CFLAR: variants seen among roughly 807,000 people sequenced by gnomAD.
CFLAR encodes CASP8 and FADD-like apoptosis regulator.
In CFLAR, 14 loss-of-function variants were observed where a neutral mutation model predicts 51.1. The ratio of observed to expected loss-of-function variants is 0.27; its 90% confidence interval spans 0.18 to 0.43. The LOEUF (loss-of-function observed/expected upper bound fraction) is 0.43. CFLAR is among the 20% of genes least tolerant of loss of function. CFLAR has a pLI of 1.00. For synonymous variants in CFLAR, 210 were observed against 211.6 expected (o/e 0.99, Z 0.06); for missense variants, 390 against 566.5 (o/e 0.69, Z 3.16).
intron 7 of CFLAR, chr2:201,149,268 A>G (rs1162883614): frequency 6.5e-6 from 3 of 461,948 alleles, no homozygotes; most frequent in Non-Finnish European, 1.2e-5. Flanking sequence ...GGGAAGTTCC[A>G]AAGTAGCACT....
chr2:201,135,678 G>A (rs1270324461), intron 3 of CFLAR, among the ~76,000 whole-genome samples: 1 of 146,730 alleles, frequency 6.8e-6, no homozygotes, highest in African/African-American at 2.6e-5. Flanking sequence ...TGCCCAGGCT[G>A]GAGTGCCGTG....
At chr2:201,152,944 C>T (rs1426747720) in intron 8 of CFLAR, 1 of 152,220 alleles carries the variant, frequency 6.6e-6, no homozygotes, top group African/African-American at 2.4e-5. Context: ...TGTTTCCTGC[C>T]CCATGGTTGC....
chr2:201,140,492 T>A, intron 5 of CFLAR, 53 bp downstream of exon 5: 2 of 1,346,288 alleles, frequency 1.5e-6, no homozygotes, highest in Non-Finnish European at 2.1e-6. Context: ...TTCAGAGTTC[T>A]AATAAAAATA....
chr2:201,173,908 G>A lies in CFLAR; in HGVS notation c.*9935G>A, dbSNP rs1322765176. ...GCTGGTCTTGAACTCCTGAACTCAG[G>A]TGATCTGCCTGCCTCGGCCTCCCAA... On this transcript the variant is annotated 3_prime_UTR_variant, in exon 10 of 10. Transcript: ENST00000309955. 6.6e-6 allele frequency: 1 copy of A among 152,216 alleles called. No individual in the cohort carries two copies. The highest frequency in any genetic ancestry group is 1.5e-5 in the Non-Finnish European group (1 of 68,060). The allele number at this position is 152,216 out of a possible 1,614,324, so 9.4% of individuals were successfully genotyped here. A position where few individuals can be genotyped will look rare whatever the true frequency, so the allele number is the denominator to read the frequency against.
At chr2:201,127,142 G>T (rs553059487) in intron 1 of CFLAR, among the ~76,000 whole-genome samples, 18 of 152,162 alleles carry the variant, frequency 1.2e-4, no homozygotes, top group Non-Finnish European at 2.2e-4. Context: ...AAAACACTTG[G>T]GGGGAGAAAT....
In CFLAR at chr2:201,164,924, T is replaced by C. The variant is rs1485161282; in HGVS notation, c.*951T>C. On this transcript the variant is annotated 3_prime_UTR_variant, in exon 10 of 10. Coordinates refer to ENST00000309955, the MANE Select transcript of CFLAR (RefSeq NM_003879.7). ...ATGTCAGTCTTTTGATGTTCTCACATGGCAGAAAAAGAGGATGCAAACTCT... is the reference window on the plus strand; with the variant it reads ...ATGTCAGTCTTTTGATGTTCTCACACGGCAGAAAAAGAGGATGCAAACTCT... The C allele has an allele frequency of 6.6e-6, 1 of 152,160 alleles. No individual in the cohort carries two copies. The highest frequency in any genetic ancestry group is 1.5e-5 in the Non-Finnish European group (1 of 68,044). 9.4% of individuals were successfully genotyped at this position (152,160 alleles called of 1,614,324 possible). A position where few individuals can be genotyped will look rare whatever the true frequency, so the allele number is the denominator to read the frequency against.
rs529586975 is a variant in CFLAR, at chr2:201,118,255, A to G, written c.-138+1774A>G. On this transcript the variant is annotated intron_variant, in intron 1 of 9. Coordinates refer to ENST00000309955, the MANE Select transcript of CFLAR (RefSeq NM_003879.7). The surrounding 1 kb of genome is among the most constrained non-coding windows in gnomAD (Gnocchi z 5.1). ...AACTGACATTTGACCTTCTTTTAAC[A>G]CGGTATTACTTGCTTCCTTATACCG... 6.6e-6 allele frequency among the ~76,000 whole-genome samples: 1 copy of G among 152,282 alleles called. No individual in the cohort carries two copies. Among genetic ancestry groups the G allele is most frequent in the African/African-American group, 2.4e-5 (1 of 41,536 alleles).
intron 5 of CFLAR, among the ~76,000 whole-genome samples, 188 bp from the exon 6 acceptor site, chr2:201,145,190 T>C (rs1316225567): frequency 2.0e-5 from 3 of 152,210 alleles, no homozygotes; most frequent in Non-Finnish European, 4.4e-5. Context: ...CCCTGTTCTT[T>C]GGTAATATGA....
At chr2:201,135,817 G>T (rs970659374) in intron 3 of CFLAR, among the ~76,000 whole-genome samples, 155 bp from the exon 4 acceptor site, 5 of 151,946 alleles carry the variant, frequency 3.3e-5, no homozygotes. Context: ...GTAGAGATGG[G>T]GGTCTCACTA....
intron 5 of CFLAR, among the ~76,000 whole-genome samples, chr2:201,144,535 G>T (rs760664289): frequency 6.6e-6 from 1 of 152,174 alleles, no homozygotes; most frequent in African/African-American, 2.4e-5. Context: ...AATCTGTAAG[G>T]TATCTATTAT....
intron 4 of CFLAR, chr2:201,139,953 C>T (rs6759004): frequency 0.17 from 33,558 of 203,356 alleles, 3,421 homozygotes; most frequent in African/African-American, 0.3. Context: ...TGTGGAGGGG[C>T]AACCCACCCC....
At chr2:201,160,408 G>A (rs2518142) in intron 8 of CFLAR, 24 bp from the exon 9 acceptor site, 1,426,842 of 1,602,208 alleles carry the variant, frequency 0.89, 638,173 homozygotes, top group Non-Finnish European at 0.91. Context: ...GTTGTTTTCC[G>A]TGTTTGTTTT....
At chr2:201,141,609 T>C (rs577683719) in intron 5 of CFLAR, 1 of 1,312,344 alleles carries the variant, frequency 7.6e-7, no homozygotes, top group South Asian at 2.1e-5. Flanking sequence ...TGTGCATTTG[T>C]TTTTTTACTG....
In CFLAR at chr2:201,165,022, C is replaced by G. The variant is rs1049129263; in HGVS notation, c.*1049C>G. 1 of 152,078 alleles carries G rather than the reference C, an allele frequency of 6.6e-6. No homozygotes were observed. Among genetic ancestry groups the G allele is most frequent in the Non-Finnish European group, 1.5e-5 (1 of 68,012 alleles). The allele number at this position is 152,078 out of a possible 1,614,324, so 9.4% of individuals were successfully genotyped here. ...TCATCACCTAATTACCTCCCAAAGG[C>G]CCCACCTTCTGATACTGTCACTTTG... On this transcript the variant is annotated 3_prime_UTR_variant, in exon 10 of 10. Transcript: ENST00000309955.
Position 201,160,810 on chromosome 2 carries a change from G to A in CFLAR, c.1172G>A (p.Gly391Glu), listed in dbSNP as rs150338348. 4 of 1,613,942 alleles carry A rather than the reference G, an allele frequency of 2.5e-6. No individual in the cohort carries two copies. Among genetic ancestry groups the A allele is most frequent in the Non-Finnish European group, 3.4e-6 (4 of 1,179,976 alleles). Residue 391 changes from glycine to glutamate, a missense_variant, in exon 9 of 10, where the codon GGG (glycine) becomes GAG (glutamate). By Grantham distance (98) the Gly-to-Glu change is moderately conservative (BLOSUM62 -2). This residue lies in a region of CFLAR where 287 missense variants were observed against 363.6 expected (regional missense o/e 0.79). Transcript: ENST00000309955. ...KNVEFKAQKR[G>E]LCTVHREADF... ...GTGGAATTCAAGGCTCAGAAGCGAG[G>A]GCTGTGCACAGTTCACCGAGAAGCT...
intron 6 of CFLAR, among the ~76,000 whole-genome samples, chr2:201,147,524 GC>G (rs1181448500): frequency 2.1e-5 from 3 of 143,570 alleles, no homozygotes; most frequent in Non-Finnish European, 4.5e-5. Context: ...GCAAGACCCT[GC>G]CCCCCACCCC....
chr2:201,135,926 C>T lies in CFLAR; in HGVS notation c.388-46C>T. The T allele has an allele frequency of 1.9e-6, 3 of 1,581,940 alleles. No homozygotes were observed. In the South Asian group the frequency reaches 3.5e-5, roughly 19 times the overall value. ...ACAGGTATGAACTTCTGCACCTGGC[C>T]TAGCTAGCTCTATTGACATTTGTTT... On this transcript the variant is annotated intron_variant, in intron 3 of 9. Transcript: ENST00000309955.
chr2:201,138,885 AT>A lies in CFLAR; in HGVS notation c.524-1470del. ...GATCAGCGGCGTCTTCAGAGTGACC[AT>A]TGGGTCAGGGCTGAGGTCAGGTCCA... On this transcript the variant is annotated intron_variant, in intron 4 of 9. Coordinates refer to ENST00000309955, the MANE Select transcript of CFLAR (RefSeq NM_003879.7). This position sits in a 1 kb window ranked among gnomAD's most constrained non-coding sequence, Gnocchi z 4.0. 1 of 692,728 alleles carries A rather than the reference AT, an allele frequency of 1.4e-6. No homozygotes were observed. Among genetic ancestry groups the A allele is most frequent in the South Asian group, 1.4e-5 (1 of 73,904 alleles). The allele number at this position is 692,728 out of a possible 1,614,324, so 42.9% of individuals were successfully genotyped here.
chr2:201,141,351 T>G, intron 5 of CFLAR: 1 of 1,550,354 alleles, frequency 6.5e-7, no homozygotes, highest in Non-Finnish European at 8.7e-7. Context: ...TATATTTCAT[T>G]TTTGCTTTTT....
Sources: allele counts gnomAD v4.1 joint callset (sites outside exome capture counted in the v4.1 genomes callset), GRCh38; gene constraint gnomAD v4.1.1; regional missense constraint gnomAD v4.1.1; non-coding constraint Gnocchi (gnomAD v3.1); transcripts MANE v1.5; gene names NCBI Gene and HGNC (gene_info 2026-07-23, HGNC 2026-07-21).